The following STAG1 variants were observed in gnomAD, a reference collection of about 807,000 sequenced individuals.
STAG1 encodes STAG1 cohesin complex component, also known as cohesin subunit SA-1.
STAG1 carries 26 observed loss-of-function variants against 170.9 expected under a neutral mutation model. The ratio of observed to expected loss-of-function variants is 0.15; its 90% CI spans 0.11 to 0.21. The LOEUF (loss-of-function observed/expected upper bound fraction) is 0.21, where lower values mean the gene tolerates loss of function less well. STAG1 is among the 10% of genes least tolerant of loss of function. The pLI, the probability that STAG1 is intolerant of heterozygous loss-of-function variation, is 1.00. For synonymous variants in STAG1, 514 were observed against 497.7 expected (o/e 1.03, Z -0.44); for missense variants, 964 against 1,509.5 (o/e 0.64, Z 5.99).
intron 5 of STAG1, among the ~76,000 whole-genome samples, chr3:136,562,035 T>C (rs1029316333): frequency 1.3e-5 from 2 of 152,202 alleles, no homozygotes; most frequent in African/African-American, 4.8e-5. Context: ...AATATTTCAG[T>C]GTGTATTTCC....
intron 16 of STAG1, among the ~76,000 whole-genome samples, chr3:136,426,620 G>A (rs76769921): frequency 0.016 from 2,426 of 152,094 alleles, 73 homozygotes; most frequent in African/African-American, 0.055. Context: ...GGCACCATTC[G>A]CACATGACAG....
intron 32 of STAG1, among the ~76,000 whole-genome samples, chr3:136,339,241 T>TA (rs1010881819): frequency 2.9e-4 from 44 of 152,022 alleles, no homozygotes; most frequent in Admixed American, 2.4e-3. Context: ...AGAAATGTGA[T>TA]AAAAAAAATA....
intron 1 of STAG1, among the ~76,000 whole-genome samples, chr3:136,729,148 T>G (rs1293884093): frequency 6.6e-6 from 1 of 152,028 alleles, no homozygotes; most frequent in African/African-American, 2.4e-5. Flanking sequence ...GCCTAGCTAA[T>G]TTGCGTGTGT....
At chr3:136,666,088 AAAAAAAAAAAAAAAAAAAAAAAAG>A (rs1275757321) in intron 1 of STAG1, among the ~76,000 whole-genome samples, 1 of 109,430 alleles carries the variant, frequency 9.1e-6, no homozygotes, top group East Asian at 2.6e-4. Context: ...AAAAAAAAAA[AAAAAAAAAAAAAAAAAAAAAAAAG>A]AAAGAAATGC....
intron 1 of STAG1, among the ~76,000 whole-genome samples, chr3:136,650,704 C>G (rs1178987265): frequency 1.3e-5 from 2 of 151,856 alleles, no homozygotes; most frequent in Non-Finnish European, 2.9e-5. Context: ...GCGATTACAG[C>G]CTAGCTATAA....
intron 1 of STAG1, among the ~76,000 whole-genome samples, chr3:136,720,070 G>C (rs1335470722): frequency 6.6e-6 from 1 of 151,664 alleles, no homozygotes. Context: ...CAGCTACTCG[G>C]AAGGCTGAGG....
intron 7 of STAG1, among the ~76,000 whole-genome samples, chr3:136,514,117 T>C (rs1335544916): frequency 6.6e-6 from 1 of 152,222 alleles, no homozygotes; most frequent in African/African-American, 2.4e-5. Flanking sequence ...GTAGTATATG[T>C]AATTTTATAT....
intron 1 of STAG1, among the ~76,000 whole-genome samples, chr3:136,690,914 C>T (rs999568917): frequency 6.6e-6 from 1 of 151,038 alleles, no homozygotes; most frequent in African/African-American, 2.4e-5. Flanking sequence ...CTTTGAGCTA[C>T]TGGATCTAGT....
chr3:136,478,843 G>A (rs1038776168), intron 9 of STAG1, among the ~76,000 whole-genome samples: 7 of 152,078 alleles, frequency 4.6e-5, no homozygotes, highest in African/African-American at 7.2e-5. Flanking sequence ...TCTGGAGGAA[G>A]ACATCCTGAG....
chr3:136,685,151 C>T (rs1942470478), intron 1 of STAG1, among the ~76,000 whole-genome samples: 1 of 152,082 alleles, frequency 6.6e-6, no homozygotes, highest in South Asian at 2.1e-4. Context: ...CCCATCTCTA[C>T]TAAAAATACA....
At chr3:136,690,988 C>A (rs752141324) in intron 1 of STAG1, among the ~76,000 whole-genome samples, 3 of 151,440 alleles carry the variant, frequency 2.0e-5, no homozygotes, top group Non-Finnish European at 4.4e-5. Context: ...CATGCATTTT[C>A]TTTCTTTTCA....
chr3:136,436,577 A>G (rs558547020), intron 15 of STAG1, among the ~76,000 whole-genome samples: 38 of 152,094 alleles, frequency 2.5e-4, no homozygotes, highest in African/African-American at 8.9e-4. Flanking sequence ...CCCTGTGCCC[A>G]GCCTTAAACT....
At chr3:136,431,738 C>G (rs991394560) in intron 16 of STAG1, among the ~76,000 whole-genome samples, 1 of 152,180 alleles carries the variant, frequency 6.6e-6, no homozygotes, top group African/African-American at 2.4e-5. Context: ...CTGAATATGT[C>G]ATTCCACTGT....
chr3:136,714,936 T>TAA (rs1337567880), intron 1 of STAG1, among the ~76,000 whole-genome samples: 2 of 45,798 alleles, frequency 4.4e-5, no homozygotes, highest in South Asian at 1.3e-3. Context: ...ATATATATAT[T>TAA]AAATATATAT....
chr3:136,699,894 G>A (rs1356018968), intron 1 of STAG1, among the ~76,000 whole-genome samples: 2 of 151,962 alleles, frequency 1.3e-5, no homozygotes, highest in Non-Finnish European at 2.9e-5. Context: ...AGATGAAGCG[G>A]TAAGAAATTA....
chr3:136,563,931 G>T (rs932229502), intron 5 of STAG1, among the ~76,000 whole-genome samples: 6 of 152,132 alleles, frequency 3.9e-5, no homozygotes, highest in Admixed American at 6.5e-5. Context: ...GCTGAGGCAG[G>T]AGAACTGCTT....
At chr3:136,415,544 G>T (rs2087747090) in intron 21 of STAG1, among the ~76,000 whole-genome samples, 2 of 152,198 alleles carry the variant, frequency 1.3e-5, no homozygotes, top group Admixed American at 1.3e-4. Flanking sequence ...GTTGTATTAA[G>T]AAGTGGTTGA....
At chr3:136,589,675 A>G (rs1344847576) in intron 4 of STAG1, among the ~76,000 whole-genome samples, 3 of 148,824 alleles carry the variant, frequency 2.0e-5, no homozygotes, top group Non-Finnish European at 4.4e-5. Flanking sequence ...TCACGCCTGT[A>G]ATCCCAGCAC....
At chr3:136,539,083 G>A (rs1935774468) in intron 6 of STAG1, among the ~76,000 whole-genome samples, 1 of 151,206 alleles carries the variant, frequency 6.6e-6, no homozygotes, top group African/African-American at 2.4e-5. Context: ...GCAGTGAGCC[G>A]AGATTGCATC....
Sources: allele counts gnomAD v4.1 joint callset (sites outside exome capture counted in the v4.1 genomes callset), GRCh38; gene constraint gnomAD v4.1.1; transcripts MANE v1.5; gene names NCBI Gene and HGNC (gene_info 2026-07-23, HGNC 2026-07-21).